LRP6: variants seen among roughly 807,000 people sequenced by gnomAD.
The protein encoded by LRP6 is LDL receptor related protein 6.
In LRP6, 43 loss-of-function variants were observed where a neutral mutation model predicts 184.1. The observed-to-expected ratio is 0.23, with a 90% confidence interval of 0.18 to 0.30. The LOEUF is 0.30. Ranked by LOEUF, LRP6 falls within the 10% of genes least tolerant of loss-of-function variation. The probability of loss-of-function intolerance (pLI) is 1.00; values close to 1 mark genes in which losing one functional copy is unlikely to be tolerated. For synonymous variants in LRP6, 719 were observed against 684.9 expected, an observed-to-expected ratio of 1.05 and a Z score of -0.78; for missense variants, 1,571 against 2,005.3, an observed-to-expected ratio of 0.78 and a Z score of 4.14.
intron 2 of LRP6, among the ~76,000 whole-genome samples, chr12:12,243,079 T>G (rs1865104664): frequency 1.3e-5 from 2 of 152,252 alleles, no homozygotes; most frequent in Non-Finnish European, 2.9e-5. Context: ...TCTTTGGATT[T>G]TAACCAAATA....
intron 1 of LRP6, among the ~76,000 whole-genome samples, chr12:12,263,893 G>A (rs1395531764): frequency 1.3e-5 from 2 of 151,908 alleles, no homozygotes; most frequent in Non-Finnish European, 2.9e-5. Context: ...CCTGTAACCT[G>A]TAATCCCAGC....
At chr12:12,131,673 A>C (rs2136864846) in intron 18 of LRP6, 148 bp downstream of exon 18, 1 of 745,818 alleles carries the variant, frequency 1.3e-6, no homozygotes, top group South Asian at 1.4e-5. Context: ...TTAAAACAAT[A>C]ATATGGAACA....
At chr12:12,155,519 A>C in intron 12 of LRP6, 1 of 776,214 alleles carries the variant, frequency 1.3e-6, no homozygotes, top group South Asian at 1.4e-5. Flanking sequence ...GATTCTTGCC[A>C]ACAGAATTAA....
intron 3 of LRP6, among the ~76,000 whole-genome samples, chr12:12,193,473 T>C (rs1228946820): frequency 1.3e-5 from 2 of 150,226 alleles, no homozygotes; most frequent in Non-Finnish European, 3.0e-5. Context: ...CCCACAAAAT[T>C]GACAACCCTT....
At chr12:12,198,570 G>A (rs1252163032) in intron 3 of LRP6, among the ~76,000 whole-genome samples, 3 of 111,788 alleles carry the variant, frequency 2.7e-5, no homozygotes, top group South Asian at 2.8e-4. Flanking sequence ...AGTTTTGCTC[G>A]TCACCCAGGT....
At chr12:12,188,224 GA>G (rs1057239842) in intron 3 of LRP6, among the ~76,000 whole-genome samples, 8 of 137,352 alleles carry the variant, frequency 5.8e-5, no homozygotes, top group Non-Finnish European at 9.6e-5. Flanking sequence ...AAAAAAAAAA[GA>G]AAAAAAAAAG....
intron 15 of LRP6, among the ~76,000 whole-genome samples, chr12:12,145,621 TTTC>T (rs1442907499): frequency 1.1e-5 from 1 of 90,982 alleles, no homozygotes; most frequent in East Asian, 6.4e-4. Context: ...CTTTTTTCTT[TTTC>T]TTTTTTTTTT....
At chr12:12,186,536 A>G (rs1863479841) in intron 4 of LRP6, among the ~76,000 whole-genome samples, 2 of 150,272 alleles carry the variant, frequency 1.3e-5, no homozygotes, top group East Asian at 4.0e-4. Context: ...ACACTACCAC[A>G]CCCCATTAAT....
intron 5 of LRP6, among the ~76,000 whole-genome samples, chr12:12,181,752 C>T (rs568360616): frequency 6.6e-5 from 10 of 152,108 alleles, no homozygotes; most frequent in Admixed American, 1.3e-4. Flanking sequence ...CTAAGTAGCT[C>T]AGTATTAAAG....
intron 2 of LRP6, among the ~76,000 whole-genome samples, chr12:12,226,302 C>T (rs1864621611): frequency 6.6e-6 from 1 of 152,100 alleles, no homozygotes; most frequent in African/African-American, 2.4e-5. Flanking sequence ...AATTACAAGG[C>T]ATACTAAAAG....
At chr12:12,131,666 AAACAAT>A (rs1949760057) in intron 18 of LRP6, among the ~76,000 whole-genome samples, 149 bp downstream of exon 18, 1 of 152,200 alleles carries the variant, frequency 6.6e-6, no homozygotes, top group South Asian at 2.1e-4. Flanking sequence ...GAGTGAATTA[AAACAAT>A]AATATGGAAC....
Position 12,120,450 on chromosome 12 carries a change from G to C in LRP6, c.*676C>G, listed in dbSNP as rs1180998660. 1 of 152,098 alleles carries C rather than the reference G, an allele frequency of 6.6e-6. No individual in the cohort carries two copies. Among genetic ancestry groups the C allele is most frequent in the African/African-American group, 2.4e-5 (1 of 41,370 alleles). 9.4% of individuals were successfully genotyped at this position (152,098 alleles called of 1,614,324 possible). On this transcript the variant is annotated 3_prime_UTR_variant, in exon 23 of 23. Coordinates refer to ENST00000261349, the MANE Select transcript of LRP6 (RefSeq NM_002336.3). ...GACAGAGGTATGGATTCTAAAGGTA[G>C]GGACAGAGACTTGCACACACACACA...
intron 9 of LRP6, among the ~76,000 whole-genome samples, chr12:12,162,764 TTTCTAAAGGTGC>T: frequency 6.6e-6 from 1 of 152,332 alleles, no homozygotes; most frequent in East Asian, 1.9e-4. Flanking sequence ...AGTGGTCAAT[TTTCTAAAGGTGC>T]TTAAGATTAT....
chr12:12,168,567 C>G (rs1201860535), intron 7 of LRP6, among the ~76,000 whole-genome samples: 1 of 152,116 alleles, frequency 6.6e-6, no homozygotes, highest in Non-Finnish European at 1.5e-5. Context: ...TTACAGAAAG[C>G]AAGAAGGTTC....
In LRP6 at chr12:12,140,196, TA is replaced by T. The variant is rs574176546; in HGVS notation, c.3398-1663del. Reference sequence around the variant, plus strand: ...CAGAAGAAAACAAATAAATACCAATTAAAAAAAAAACAAAAAACCTAAAGAA... The same window carrying T: ...CAGAAGAAAACAAATAAATACCAATTAAAAAAAAACAAAAAACCTAAAGAA... On this transcript the variant is annotated intron_variant, in intron 15 of 22. Transcript: ENST00000261349. Among the ~76,000 whole-genome samples the T allele has an allele frequency of 1.1e-4, 16 of 142,168 alleles. No homozygotes were observed. The East Asian group carries it at 1.4e-3, about 13-fold the overall frequency. 93.3% of individuals were successfully genotyped at this position (142,168 alleles called of 152,430 possible).
chr12:12,189,821 C>T (rs1024284899), intron 3 of LRP6, among the ~76,000 whole-genome samples: 2 of 151,990 alleles, frequency 1.3e-5, no homozygotes, highest in Admixed American at 6.6e-5. Context: ...ATATAAATGT[C>T]ACTTTCTTTT....
intron 3 of LRP6, among the ~76,000 whole-genome samples, chr12:12,196,184 G>A (rs979677835): frequency 1.3e-5 from 2 of 150,520 alleles, no homozygotes; most frequent in African/African-American, 4.9e-5. Flanking sequence ...GTCTTTTATG[G>A]TCCCATACAA....
intron 15 of LRP6, among the ~76,000 whole-genome samples, chr12:12,145,823 C>T (rs1591883651): frequency 6.6e-6 from 1 of 151,486 alleles, no homozygotes; most frequent in African/African-American, 2.4e-5. Context: ...GTAGAGACAG[C>T]ATTTTGCCAT....
Position 12,117,991 on chromosome 12 carries a change from T to G in LRP6, c.*3135A>C, listed in dbSNP as rs1316967625. The G allele has an allele frequency of 1.3e-5, 2 of 152,222 alleles. No individual in the cohort carries two copies. Among genetic ancestry groups the G allele is most frequent in the Non-Finnish European group, 2.9e-5 (2 of 68,018 alleles). 9.4% of individuals were successfully genotyped at this position (152,222 alleles called of 1,614,324 possible). A position where few individuals can be genotyped will look rare whatever the true frequency, so the allele number is the denominator to read the frequency against. Reference sequence around the variant, plus strand: ...TTTAAAGTCTTCATTTCTAAGTACCTATCATCTCTGTAGAATAGGTGTTCT... The same window carrying G: ...TTTAAAGTCTTCATTTCTAAGTACCGATCATCTCTGTAGAATAGGTGTTCT... On this transcript the variant is annotated 3_prime_UTR_variant, in exon 23 of 23. Transcript: ENST00000261349.
Sources: allele counts gnomAD v4.1 joint callset (sites outside exome capture counted in the v4.1 genomes callset), GRCh38; gene constraint gnomAD v4.1.1; transcripts MANE v1.5; gene names NCBI Gene and HGNC (gene_info 2026-07-23, HGNC 2026-07-21).